HSD17B2: variants seen among roughly 807,000 people sequenced by gnomAD.
HSD17B2 encodes the protein 17-beta-hydroxysteroid dehydrogenase type 2.
A neutral mutation model predicts 26.9 loss-of-function variants in HSD17B2; 32 were observed. The ratio of observed to expected loss-of-function variants is 1.19; its 90% CI spans 0.90 to 1.60. The LOEUF is 1.60. Ranked by LOEUF, HSD17B2 falls within the 40% of genes most tolerant of loss-of-function variation. The pLI is 0.00. For synonymous variants in HSD17B2, 246 were observed against 186.7 expected (o/e 1.32, Z -2.59); for missense variants, 613 against 468.6 (o/e 1.31, Z -2.85).
chr16:82,080,476 G>A lies in HSD17B2; in HGVS notation c.664+9349G>A, dbSNP rs8063624. ...AAGGGGCCAGAAACCAAGGAATGCA[G>A]GTGGCTTCTAGAAGCTGGAAAAGTC... is the stretch of plus-strand genomic sequence containing the variant. On this transcript the variant is annotated intron_variant, in intron 3 of 4. Coordinates refer to ENST00000199936, the MANE Select transcript of HSD17B2 (RefSeq NM_002153.3). Among the ~76,000 whole-genome samples, 379 of 152,274 alleles carry A rather than the reference G, an allele frequency of 2.5e-3. 4 individuals carry two copies. The highest frequency in any genetic ancestry group is 8.7e-3 in the African/African-American group (363 of 41,556).
rs993292390 is a variant in HSD17B2, at chr16:82,057,763, G to A, written c.266-10407G>A. 8.5e-5 allele frequency among the ~76,000 whole-genome samples: 13 copies of A among 152,284 alleles called. No individual in the cohort carries two copies. The South Asian group carries it at 1.9e-3, about 22-fold the overall frequency. ...TAATCCCAGTCTAATCAGGAGAAAA[G>A]CATCAGACAAATTCAAATAGAGAGG... On this transcript the variant is annotated intron_variant, in intron 1 of 4. Coordinates refer to ENST00000199936, the MANE Select transcript of HSD17B2 (RefSeq NM_002153.3).
At chr16:82,036,636 C>G (rs984334743) in intron 1 of HSD17B2, among the ~76,000 whole-genome samples, 1 of 152,088 alleles carries the variant, frequency 6.6e-6, no homozygotes, top group African/African-American at 2.4e-5. Flanking sequence ...GAGAAACAGA[C>G]TTTGTTTTTG....
intron 3 of HSD17B2, among the ~76,000 whole-genome samples, chr16:82,083,241 A>G (rs1398075575): frequency 6.6e-6 from 1 of 152,224 alleles, no homozygotes; most frequent in Non-Finnish European, 1.5e-5. Context: ...AATGCAATCT[A>G]GAGTCAACCA....
At chr16:82,060,491 C>T (rs1914401905) in intron 1 of HSD17B2, among the ~76,000 whole-genome samples, 1 of 152,250 alleles carries the variant, frequency 6.6e-6, no homozygotes, top group African/African-American at 2.4e-5. Flanking sequence ...AATGCCGACT[C>T]ATCTCCTGGT....
intron 3 of HSD17B2, among the ~76,000 whole-genome samples, chr16:82,088,351 C>T (rs1005748439): frequency 6.6e-6 from 1 of 152,132 alleles, no homozygotes; most frequent in Non-Finnish European, 1.5e-5. Context: ...AGGCACTATT[C>T]TAATATATTA....
At chr16:82,088,635 G>C (rs1904595872) in intron 3 of HSD17B2, among the ~76,000 whole-genome samples, 1 of 152,176 alleles carries the variant, frequency 6.6e-6, no homozygotes, top group South Asian at 2.1e-4. Flanking sequence ...CTGTGATTTT[G>C]AACAAGTTGC....
At chr16:82,043,306 T>G (rs750243109) in intron 1 of HSD17B2, among the ~76,000 whole-genome samples, 3 of 152,122 alleles carry the variant, frequency 2.0e-5, no homozygotes, top group Non-Finnish European at 4.4e-5. Flanking sequence ...TGGCCTGCCC[T>G]CCTTGTTTCA....
chr16:82,059,983 C>T (rs149006201), intron 1 of HSD17B2, among the ~76,000 whole-genome samples: 222 of 152,242 alleles, frequency 1.5e-3, no homozygotes, highest in Admixed American at 2.6e-3. Context: ...AACTGTTATC[C>T]GTTAAGAATG....
intron 3 of HSD17B2, among the ~76,000 whole-genome samples, chr16:82,080,042 C>T: frequency 6.6e-6 from 1 of 152,154 alleles, no homozygotes; most frequent in Non-Finnish European, 1.5e-5. Flanking sequence ...CTGTCACCTT[C>T]TGAGTGACAA....
rs1158915268 is a variant in HSD17B2, at chr16:82,073,841, G to C, written c.664+2714G>C. 2.0e-5 allele frequency among the ~76,000 whole-genome samples: 3 copies of C among 152,048 alleles called. No individual in the cohort carries two copies. In the East Asian group the frequency reaches 5.8e-4, roughly 29 times the overall value. On this transcript the variant is annotated intron_variant, in intron 3 of 4. Coordinates refer to ENST00000199936, the MANE Select transcript of HSD17B2 (RefSeq NM_002153.3). ...ACCATTGAGGTTCTTCACAGAACTA[G>C]AAAAAAAGATTTAAAAATTAATATG...
chr16:82,047,307 T>C (rs1458626643), intron 1 of HSD17B2, among the ~76,000 whole-genome samples: 1 of 152,160 alleles, frequency 6.6e-6, no homozygotes, highest in African/African-American at 2.4e-5. Flanking sequence ...TGTTAAAGAA[T>C]GAAGTTTAGG....
At chr16:82,083,481 AGATAAG>A (rs1716465827) in intron 3 of HSD17B2, among the ~76,000 whole-genome samples, 1 of 152,160 alleles carries the variant, frequency 6.6e-6, no homozygotes, top group South Asian at 2.1e-4. Flanking sequence ...CCTCATTATA[AGATAAG>A]GATAATAGTA....
intron 3 of HSD17B2, among the ~76,000 whole-genome samples, chr16:82,073,990 GTACAAAAGCAGA>G (rs142013182): frequency 0.025 from 3,733 of 152,228 alleles, 156 homozygotes; most frequent in African/African-American, 0.084. Context: ...GCATGGTCCT[GTACAAAAGCAGA>G]TACAAAGGTC....
At chr16:82,061,353 T>C (rs1914433737) in intron 1 of HSD17B2, among the ~76,000 whole-genome samples, 1 of 152,218 alleles carries the variant, frequency 6.6e-6, no homozygotes. Context: ...ATCAAATTAT[T>C]TAATCCTTCG....
intron 1 of HSD17B2, among the ~76,000 whole-genome samples, chr16:82,066,394 C>T (rs1914573449): frequency 1.3e-5 from 2 of 152,340 alleles, no homozygotes; most frequent in African/African-American, 4.8e-5. Context: ...TTTGCCATGA[C>T]TATCATTCTC....
intron 4 of HSD17B2, chr16:82,092,472 A>C (rs1435493510): frequency 3.9e-5 from 6 of 152,234 alleles, no homozygotes; most frequent in African/African-American, 1.4e-4. Flanking sequence ...ACGAAAGAAC[A>C]AACCCTAAAG....
At chr16:82,068,045 C>A in intron 1 of HSD17B2, 125 bp from the exon 2 acceptor site, 1 of 816,188 alleles carries the variant, frequency 1.2e-6, no homozygotes, top group East Asian at 2.6e-5. Context: ...AAAGAAACTT[C>A]CTCAGGAACC....
chr16:82,081,340 C>T (rs550111173), intron 3 of HSD17B2, among the ~76,000 whole-genome samples: 2 of 152,242 alleles, frequency 1.3e-5, no homozygotes, highest in Admixed American at 6.5e-5. Context: ...CCTCTTCAAC[C>T]TTTCCTCCTT....
intron 3 of HSD17B2, among the ~76,000 whole-genome samples, chr16:82,073,191 A>C (rs981243778): frequency 6.6e-6 from 1 of 152,136 alleles, no homozygotes; most frequent in Non-Finnish European, 1.5e-5. Context: ...GAATGTTAAA[A>C]TAAATAACAT....
Sources: gnomAD v4.1 joint callset for allele counts (sites outside exome capture counted in the v4.1 genomes callset) on GRCh38, gnomAD v4.1.1 for gene constraint, MANE v1.5 for transcripts, NCBI Gene and HGNC (gene_info 2026-07-23, HGNC 2026-07-21) for gene names.